PGRMC2: variants seen among roughly 807,000 people sequenced by gnomAD.
PGRMC2 encodes the protein progesterone receptor membrane component 2.
Under a neutral mutation model 19.3 loss-of-function variants are expected in PGRMC2, and 9 were observed. The observed-to-expected ratio is 0.47, with a 90% CI of 0.28 to 0.81. The LOEUF (loss-of-function observed/expected upper bound fraction) is 0.81, where lower values mean the gene tolerates loss of function less well. PGRMC2 is among the 40% of genes least tolerant of loss of function. The pLI is 0.11. For missense variants in PGRMC2, 289 were observed against 297.3 expected, an observed-to-expected ratio of 0.97 and a Z score of 0.21; for synonymous variants, 157 against 124.6, an observed-to-expected ratio of 1.26 and a Z score of -1.73.
intron 1 of PGRMC2, among the ~76,000 whole-genome samples, chr4:128,273,717 A>G (rs1211296638): frequency 1.3e-5 from 2 of 152,234 alleles, no homozygotes; most frequent in Non-Finnish European, 2.9e-5. Flanking sequence ...TTATGTGTCA[A>G]AAAGTCTCTG....
intron 1 of PGRMC2, among the ~76,000 whole-genome samples, chr4:128,282,237 G>T (rs564682695): frequency 6.6e-6 from 1 of 152,114 alleles, no homozygotes; most frequent in African/African-American, 2.4e-5. Context: ...AAATGGAGCT[G>T]AAATCCTATT....
rs1366863979 is a variant in PGRMC2, at chr4:128,269,826, G to A, written c.*1490C>T. On this transcript the variant is annotated 3_prime_UTR_variant, in exon 3 of 3. Coordinates refer to ENST00000296425, the MANE Select transcript of PGRMC2 (RefSeq NM_006320.6). The stretch of plus-strand genomic sequence containing the variant: ...TCTATCAGTGCAATATTCTTTTACT[G>A]TTTTGTGTTCAATAACCACCTGGAG... 1 of 152,162 alleles carries A rather than the reference G, an allele frequency of 6.6e-6. No homozygotes were observed. The highest frequency in any genetic ancestry group is 6.5e-5 in the Admixed American group (1 of 15,278). 9.4% of individuals were successfully genotyped at this position (152,162 alleles called of 1,614,324 possible). A position where few individuals can be genotyped will look rare whatever the true frequency, so the allele number is the denominator to read the frequency against.
chr4:128,285,593 G>C (rs1760971668), intron 1 of PGRMC2, among the ~76,000 whole-genome samples: 1 of 152,202 alleles, frequency 6.6e-6, no homozygotes, highest in African/African-American at 2.4e-5. Context: ...TGGCAGTTCA[G>C]ACAGGGTACA....
rs751352599 is a variant in PGRMC2, at chr4:128,287,533, C to CGCCCCG, written c.252_257dup (p.Ala86_Gly87dup). ...GAGAGGTGGCGGGGCTCTCCTCGCC[C>CGCCCCG]GCCCCGGCCCCGGCCCCCAGACCCC... On this transcript the variant is annotated inframe_insertion, in exon 1 of 3. Transcript: ENST00000296425. 165 of 1,569,384 alleles carry CGCCCCG rather than the reference C, an allele frequency of 1.1e-4. No individual in the cohort carries two copies. The highest frequency in any genetic ancestry group is 1.1e-4 in the Non-Finnish European group (130 of 1,158,612).
intron 1 of PGRMC2, chr4:128,272,726 A>G: frequency 2.7e-6 from 1 of 372,020 alleles, no homozygotes; most frequent in Non-Finnish European, 4.7e-6. Context: ...TGACCCAAGT[A>G]AAGCTTTTCA....
intron 1 of PGRMC2, 129 bp downstream of exon 1, chr4:128,287,244 G>T: frequency 9.2e-7 from 1 of 1,087,796 alleles, no homozygotes; most frequent in East Asian, 2.7e-5. Context: ...CAGGTGCGGC[G>T]GCCGAGGCGC....
chr4:128,283,239 G>C (rs1760935704), intron 1 of PGRMC2, among the ~76,000 whole-genome samples: 1 of 152,194 alleles, frequency 6.6e-6, no homozygotes, highest in African/African-American at 2.4e-5. Flanking sequence ...AATACAATGG[G>C]AAGGATTGAA....
intron 1 of PGRMC2, among the ~76,000 whole-genome samples, chr4:128,275,104 T>C (rs896699994): frequency 6.6e-6 from 1 of 152,146 alleles, no homozygotes; most frequent in Non-Finnish European, 1.5e-5. Flanking sequence ...ACTTACAAAA[T>C]TTCAAGGGAA....
intron 1 of PGRMC2, among the ~76,000 whole-genome samples, chr4:128,281,395 A>G (rs923912013): frequency 6.6e-6 from 1 of 152,236 alleles, no homozygotes; most frequent in African/African-American, 2.4e-5. Flanking sequence ...TATATTGTTC[A>G]GAAGCATAGG....
rs1223963982 is a variant in PGRMC2, at chr4:128,269,409, T to C, written c.*1907A>G. The C allele has an allele frequency of 1.3e-5, 2 of 152,202 alleles. No individual in the cohort carries two copies. The highest frequency in any genetic ancestry group is 2.9e-5 in the Non-Finnish European group (2 of 68,034). The allele number at this position is 152,202 out of a possible 1,614,324, so 9.4% of individuals were successfully genotyped here. ...CTTGAATGATTCATATATATAGATA[T>C]CAGTTTACTACAGAGGACATGTACT... On this transcript the variant is annotated 3_prime_UTR_variant, in exon 3 of 3. Coordinates refer to ENST00000296425, the MANE Select transcript of PGRMC2 (RefSeq NM_006320.6).
At chr4:128,281,972 A>AGGTAAC (rs1388869048) in intron 1 of PGRMC2, among the ~76,000 whole-genome samples, 1 of 152,244 alleles carries the variant, frequency 6.6e-6, no homozygotes, top group East Asian at 1.9e-4. Context: ...AACATAAAAA[A>AGGTAAC]GGTAACCTTG....
intron 1 of PGRMC2, among the ~76,000 whole-genome samples, chr4:128,275,068 G>A (rs902881851): frequency 3.3e-5 from 5 of 152,142 alleles, no homozygotes; most frequent in East Asian, 1.9e-4. Flanking sequence ...ATGGAGTAAC[G>A]ACCATGAAAA....
At chr4:128,277,181 C>CA (rs1350586058) in intron 1 of PGRMC2, among the ~76,000 whole-genome samples, 1 of 151,516 alleles carries the variant, frequency 6.6e-6, no homozygotes, top group Non-Finnish European at 1.5e-5. Flanking sequence ...AACAAACAAA[C>CA]AAACAAACAA....
intron 1 of PGRMC2, 137 bp downstream of exon 1, chr4:128,287,236 G>A (rs997623704): frequency 2.1e-6 from 2 of 957,140 alleles, no homozygotes; most frequent in East Asian, 2.8e-5. Flanking sequence ...GGCCGTCCCA[G>A]GTGCGGCGGC....
At chr4:128,283,290 C>T (rs374520442) in intron 1 of PGRMC2, among the ~76,000 whole-genome samples, 1 of 152,210 alleles carries the variant, frequency 6.6e-6, no homozygotes. Flanking sequence ...TTGCCACCTA[C>T]TAGATATGTG....
At chr4:128,276,503 G>C (rs979843216) in intron 1 of PGRMC2, among the ~76,000 whole-genome samples, 2 of 152,200 alleles carry the variant, frequency 1.3e-5, no homozygotes, top group Middle Eastern at 3.4e-3. Flanking sequence ...ATTTTTGGTA[G>C]AGAGGGGGTT....
rs1338830439 is a variant in PGRMC2 at position 128,269,889 on chromosome 4, GAAAGT to G, written c.*1422_*1426del. 6.6e-6 allele frequency: 1 copy of G among 152,352 alleles called. No homozygotes were observed. The highest frequency in any genetic ancestry group is 2.4e-5 in the African/African-American group (1 of 41,446). The allele number at this position is 152,352 out of a possible 1,614,324, so 9.4% of individuals were successfully genotyped here. A position where few individuals can be genotyped will look rare whatever the true frequency, so the allele number is the denominator to read the frequency against. ...AGTATAATCAGTTGGCATCAAAATA[GAAAGT>G]AAAAAGATGTACATTTAATATACCA... On this transcript the variant is annotated 3_prime_UTR_variant, in exon 3 of 3. Coordinates refer to ENST00000296425, the MANE Select transcript of PGRMC2 (RefSeq NM_006320.6).
intron 1 of PGRMC2, among the ~76,000 whole-genome samples, chr4:128,278,504 G>A (rs962339460): frequency 6.6e-6 from 1 of 151,796 alleles, no homozygotes; most frequent in East Asian, 1.9e-4. Flanking sequence ...CCCGGGATAC[G>A]CAGGTTGCAG....
chr4:128,287,532 C>T lies in PGRMC2; in HGVS notation c.259G>A (p.Gly87Ser). 6.4e-7 allele frequency: 1 copy of T among 1,569,776 alleles called. No individual in the cohort carries two copies. Among genetic ancestry groups the T allele is most frequent in the Middle Eastern group, 2.1e-4 (1 of 4,786 alleles). ...AGAGAGGTGGCGGGGCTCTCCTCGC[C>T]CGCCCCGGCCCCGGCCCCCAGACCC... ...RRGLGAGAGA[G>S]EESPATSLPR... Residue 87 changes from glycine to serine, a missense_variant, in exon 1 of 3, where the codon GGC (glycine) becomes AGC (serine). Coordinates refer to ENST00000296425, the MANE Select transcript of PGRMC2 (RefSeq NM_006320.6).
Sources: gnomAD v4.1 joint callset for allele counts (sites outside exome capture counted in the v4.1 genomes callset) on GRCh38, gnomAD v4.1.1 for gene constraint, MANE v1.5 for transcripts, NCBI Gene and HGNC (gene_info 2026-07-23, HGNC 2026-07-21) for gene names.